The following TSHZ2 variants were observed in gnomAD, a reference collection of about 807,000 sequenced individuals.
The protein encoded by TSHZ2 is teashirt homolog 2.
A neutral mutation model predicts 74.4 loss-of-function variants in TSHZ2; 21 were observed. That is an observed-to-expected ratio of 0.28 (90% confidence interval 0.20 to 0.41). TSHZ2 has a LOEUF of 0.41. TSHZ2 is among the 10% of genes least tolerant of loss of function. The pLI, the probability that TSHZ2 is intolerant of heterozygous loss-of-function variation, is 1.00. For missense variants in TSHZ2, 1,244 were observed against 1,293.5 expected (o/e 0.96, Z 0.59); for synonymous variants, 540 against 515.3 (o/e 1.05, Z -0.65).
At chr20:53,211,891 C>T (rs894720453) in intron 1 of TSHZ2, among the ~76,000 whole-genome samples, 1 of 152,116 alleles carries the variant, frequency 6.6e-6, no homozygotes, top group Non-Finnish European at 1.5e-5. Flanking sequence ...TCCCTCCCAC[C>T]CTCTCCCTCT....
At chr20:53,413,367 C>CTT (rs1226172700) in intron 2 of TSHZ2, among the ~76,000 whole-genome samples, 1 of 152,244 alleles carries the variant, frequency 6.6e-6, no homozygotes, top group African/African-American at 2.4e-5. Context: ...AGGTGCTGGA[C>CTT]TTAGAAATCC....
intron 1 of TSHZ2, among the ~76,000 whole-genome samples, chr20:53,214,998 G>A (rs1019753860): frequency 6.6e-6 from 1 of 152,126 alleles, no homozygotes; most frequent in Non-Finnish European, 1.5e-5. Context: ...GAAAAGGAAG[G>A]ATAAAAAATC....
intron 2 of TSHZ2, among the ~76,000 whole-genome samples, chr20:53,426,250 A>G (rs1983651228): frequency 6.6e-6 from 1 of 152,206 alleles, no homozygotes; most frequent in South Asian, 2.1e-4. Flanking sequence ...AAAGTCCTCA[A>G]GTTGTAAGCT....
intron 2 of TSHZ2, among the ~76,000 whole-genome samples, chr20:53,338,124 G>C (rs901372352): frequency 2.6e-5 from 4 of 152,328 alleles, no homozygotes; most frequent in Admixed American, 1.3e-4. Flanking sequence ...TTTGCAAGGT[G>C]CTGGCCTGTC....
rs558342078 is a variant in TSHZ2, at chr20:53,360,746, T to A, written c.*8+104175T>A. 2.3e-4 allele frequency among the ~76,000 whole-genome samples: 35 copies of A among 152,340 alleles called. No homozygotes were observed. The East Asian group carries it at 6.6e-3, about 29-fold the overall frequency. ...TGGGGAAACCAGAGATTAAGTATCT[T>A]ATACAAGGTACAGAGCTTGTAAACA... On this transcript the variant is annotated intron_variant, in intron 2 of 2. Coordinates refer to ENST00000371497, the MANE Select transcript of TSHZ2 (RefSeq NM_173485.6).
intron 1 of TSHZ2, among the ~76,000 whole-genome samples, chr20:53,240,135 T>C (rs1990031769): frequency 1.3e-5 from 2 of 152,166 alleles, no homozygotes; most frequent in African/African-American, 2.4e-5. Flanking sequence ...CCTAAAAGTT[T>C]ATGAGATTAT....
rs539319337 is a variant in TSHZ2 at position 53,415,859 on chromosome 20, G to A, written c.*9-71285G>A. 7.3e-5 allele frequency among the ~76,000 whole-genome samples: 11 copies of A among 151,270 alleles called. No homozygotes were observed. The East Asian group carries it at 2.2e-3, about 30-fold the overall frequency. ...ATGACAGTGTTAGGAGACGTAAGAG[G>A]AAGTCTAGATTTAAGAAGGTAATAT... On this transcript the variant is annotated intron_variant, in intron 2 of 2. Coordinates refer to ENST00000371497, the MANE Select transcript of TSHZ2 (RefSeq NM_173485.6).
chr20:53,256,339 G>C lies in TSHZ2; in HGVS notation c.2881G>C (p.Val961Leu). 6.2e-7 allele frequency: 1 copy of C among 1,613,744 alleles called. No homozygotes were observed. The highest frequency in any genetic ancestry group is 8.5e-7 in the Non-Finnish European group (1 of 1,179,662). ...AATGAAGGACATGACCCGCTTGTCAGTGGACCAGCAAAGCAAGGTGGAGCA... is the reference window on the plus strand; with the variant it reads ...AATGAAGGACATGACCCGCTTGTCACTGGACCAGCAAAGCAAGGTGGAGCA... ...FQMKDMTRLSVDQQSKVEQEI... is the reference protein window; with the variant it reads ...FQMKDMTRLSLDQQSKVEQEI... Residue 961 changes from valine to leucine, a missense_variant, in exon 2 of 3, where the codon GTG becomes CTG. By Grantham distance (32) the Val-to-Leu change is conservative (BLOSUM62 1). This residue lies in a region of TSHZ2 where 185 missense variants were observed against 213.3 expected (regional missense o/e 0.87). Coordinates refer to ENST00000371497, the MANE Select transcript of TSHZ2 (RefSeq NM_173485.6). This position sits in a 1 kb window ranked among gnomAD's most constrained non-coding sequence, Gnocchi z 4.3.
chr20:53,288,756 A>G (rs1377321372), intron 2 of TSHZ2, among the ~76,000 whole-genome samples: 1 of 152,250 alleles, frequency 6.6e-6, no homozygotes, highest in African/African-American at 2.4e-5. Context: ...TGCTAAGAAG[A>G]GAAAAAGAAG....
intron 1 of TSHZ2, among the ~76,000 whole-genome samples, chr20:53,042,379 A>AT (rs2123101733): frequency 6.6e-6 from 1 of 152,222 alleles, no homozygotes; most frequent in Non-Finnish European, 1.5e-5. Flanking sequence ...TACTCCCTTG[A>AT]TTTTTATTAT....
intron 2 of TSHZ2, among the ~76,000 whole-genome samples, chr20:53,276,833 G>T (rs1388214942): frequency 6.6e-6 from 1 of 152,192 alleles, no homozygotes; most frequent in Non-Finnish European, 1.5e-5. Context: ...AAGTACCTGG[G>T]CATGTTGTAA....
At chr20:53,480,335 C>G (rs1484983279) in intron 2 of TSHZ2, among the ~76,000 whole-genome samples, 2 of 151,872 alleles carry the variant, frequency 1.3e-5, no homozygotes, top group Non-Finnish European at 2.9e-5. Flanking sequence ...TCCCAAAGTG[C>G]TGGGATTACA....
chr20:53,040,507 G>A (rs1187368397), intron 1 of TSHZ2, among the ~76,000 whole-genome samples: 2 of 152,152 alleles, frequency 1.3e-5, no homozygotes, highest in African/African-American at 4.8e-5. Flanking sequence ...CAACTTGAGA[G>A]CAGAGAAGCT....
chr20:53,494,766 T>G lies in TSHZ2; in HGVS notation c.*7631T>G, dbSNP rs1986540889. 6.6e-6 allele frequency: 1 copy of G among 152,098 alleles called. No homozygotes were observed. Among genetic ancestry groups the G allele is most frequent in the African/African-American group, 2.4e-5 (1 of 41,410 alleles). The allele number at this position is 152,098 out of a possible 1,614,324, so 9.4% of individuals were successfully genotyped here. On this transcript the variant is annotated 3_prime_UTR_variant, in exon 3 of 3. Transcript: ENST00000371497. ...GCCAAGGTTATATGGAGCCCCTGAT[T>G]TCCATCAAAAAGGTTTCTATAAGTA...
At chr20:53,093,974 C>T (rs1985962023) in intron 1 of TSHZ2, among the ~76,000 whole-genome samples, 1 of 140,892 alleles carries the variant, frequency 7.1e-6, no homozygotes, top group Non-Finnish European at 1.5e-5. Context: ...TTTTTTACTC[C>T]CTTTTTTGAC....
intron 1 of TSHZ2, among the ~76,000 whole-genome samples, chr20:53,021,642 A>T (rs1983250891): frequency 6.6e-6 from 1 of 152,204 alleles, no homozygotes; most frequent in Admixed American, 6.5e-5. Flanking sequence ...GAAAAGCGTG[A>T]TGTGGGACCA....
chr20:53,073,450 A>G (rs1001532062), intron 1 of TSHZ2, among the ~76,000 whole-genome samples: 2 of 151,892 alleles, frequency 1.3e-5, no homozygotes, highest in Admixed American at 6.6e-5. Context: ...CCATCCATCC[A>G]TTCATCCATT....
intron 2 of TSHZ2, among the ~76,000 whole-genome samples, chr20:53,332,634 G>A (rs1397001988): frequency 2.0e-5 from 3 of 152,162 alleles, no homozygotes; most frequent in African/African-American, 7.2e-5. Flanking sequence ...ATGGAATGAC[G>A]AGGCGAAACT....
chr20:53,212,556 C>A (rs1045755875), intron 1 of TSHZ2, among the ~76,000 whole-genome samples: 2 of 152,092 alleles, frequency 1.3e-5, no homozygotes, highest in Non-Finnish European at 2.9e-5. Flanking sequence ...GGAGGGATAT[C>A]GTTTATATAA....
Sources: gnomAD v4.1 joint callset for allele counts (sites outside exome capture counted in the v4.1 genomes callset) on GRCh38, gnomAD v4.1.1 for gene constraint, gnomAD v4.1.1 regional missense constraint, Gnocchi (gnomAD v3.1) non-coding constraint, MANE v1.5 for transcripts, NCBI Gene and HGNC (gene_info 2026-07-23, HGNC 2026-07-21) for gene names.